FNTA: variants seen among roughly 807,000 people sequenced by gnomAD.
The protein encoded by FNTA is protein farnesyltransferase/geranylgeranyltransferase type-1 subunit alpha.
A neutral mutation model predicts 55.2 loss-of-function variants in FNTA; 27 were observed. That is an observed-to-expected ratio of 0.49 (90% CI 0.36 to 0.67). FNTA has a LOEUF of 0.67. FNTA is among the 30% of genes least tolerant of loss of function. The pLI is 0.00. For synonymous variants in FNTA, 176 were observed against 170.7 expected (o/e 1.03, Z -0.24); for missense variants, 422 against 464.7 (o/e 0.91, Z 0.85).
At chr8:43,074,351 C>T (rs58298514) in intron 5 of FNTA, among the ~76,000 whole-genome samples, 2,822 of 152,142 alleles carry the variant, frequency 0.019, 84 homozygotes, top group African/African-American at 0.066. Context: ...GGCAAAACCC[C>T]GTCTCTACAA....
At chr8:43,071,711 AC>A (rs1439149577) in intron 4 of FNTA, among the ~76,000 whole-genome samples, 80 of 147,860 alleles carry the variant, frequency 5.4e-4, no homozygotes, top group African/African-American at 1.9e-3. Flanking sequence ...AAAAAAAAAA[AC>A]AAAAAAACTC....
intron 3 of FNTA, among the ~76,000 whole-genome samples, chr8:43,067,634 C>G (rs1810690820): frequency 6.7e-6 from 1 of 148,928 alleles, no homozygotes; most frequent in African/African-American, 2.5e-5. Flanking sequence ...TTTACATGCT[C>G]TGGGAAGTCT....
chr8:43,064,365 A>G (rs1013486283), intron 3 of FNTA, 150 bp downstream of exon 3: 15 of 562,466 alleles, frequency 2.7e-5, no homozygotes, highest in Non-Finnish European at 4.7e-5. Context: ...AGGCTGGAGT[A>G]TAACTGGTAC....
At chr8:43,062,173 A>G (rs890557695) in intron 2 of FNTA, among the ~76,000 whole-genome samples, 22 of 149,014 alleles carry the variant, frequency 1.5e-4, no homozygotes, top group South Asian at 6.4e-4. Flanking sequence ...TGTATGTTTT[A>G]TGTGTGTGTG....
At chr8:43,059,293 C>G (rs907874087) in intron 2 of FNTA, 116 bp downstream of exon 2, 1 of 669,390 alleles carries the variant, frequency 1.5e-6, no homozygotes, top group Non-Finnish European at 2.5e-6. Flanking sequence ...ATCTGAATGA[C>G]TTAAGATGAG....
chr8:43,062,224 A>G (rs1810550868), intron 2 of FNTA, among the ~76,000 whole-genome samples: 2 of 151,386 alleles, frequency 1.3e-5, no homozygotes, highest in African/African-American at 2.4e-5. Context: ...TTATATATAT[A>G]CATTTGTATA....
At chr8:43,062,386 A>G (rs373918406) in intron 2 of FNTA, among the ~76,000 whole-genome samples, 1 of 151,820 alleles carries the variant, frequency 6.6e-6, no homozygotes, top group African/African-American at 2.4e-5. Context: ...GGTTCAAGCG[A>G]TTCTCGTGCC....
intron 3 of FNTA, among the ~76,000 whole-genome samples, chr8:43,065,003 ATT>A (rs1478353217): frequency 1.3e-5 from 2 of 150,924 alleles, no homozygotes; most frequent in Non-Finnish European, 3.0e-5. Context: ...TGCCTGGCTA[ATT>A]TTTTATTTTT....
At chr8:43,059,293 C>T (rs907874087) in intron 2 of FNTA, 116 bp downstream of exon 2, 2 of 669,390 alleles carry the variant, frequency 3.0e-6, no homozygotes, top group African/African-American at 3.7e-5. Context: ...ATCTGAATGA[C>T]TTAAGATGAG....
chr8:43,085,045 C>A, intron 8 of FNTA, 115 bp from the exon 9 acceptor site: 2 of 1,133,118 alleles, frequency 1.8e-6, no homozygotes, highest in Non-Finnish European at 2.5e-6. Flanking sequence ...CAGCCGGTGA[C>A]TCTTAATAGT....
intron 3 of FNTA, among the ~76,000 whole-genome samples, chr8:43,066,715 A>G (rs920967834): frequency 2.6e-5 from 4 of 152,018 alleles, no homozygotes; most frequent in Non-Finnish European, 4.4e-5. Flanking sequence ...TTATGCGTAT[A>G]AGAGAGACAG....
At position 43,056,352 on chromosome 8, in the gene FNTA, G is replaced by T. The variant is rs1246375504; in HGVS notation, c.6G>T (p.Ala2=). 2 of 1,417,374 alleles carry T rather than the reference G, an allele frequency of 1.4e-6. No homozygotes were observed. Among genetic ancestry groups the T allele is most frequent in the Non-Finnish European group, 1.8e-6 (2 of 1,093,264 alleles). The allele number at this position is 1,417,374 out of a possible 1,614,324, so 87.8% of individuals were successfully genotyped here. A position where few individuals can be genotyped will look rare whatever the true frequency, so the allele number is the denominator to read the frequency against. ...CAGCTGCGGACCGAGGCGAGATGGC[G>T]GCCACCGAGGGGGTCGGGGAGGCTG... M[A]ATEGVGEAAQ... is the part of the protein sequence containing the mutation. Residue 2 remains alanine, a synonymous_variant, in exon 1 of 9, where the codon GCG becomes GCT. Coordinates refer to ENST00000302279, the MANE Select transcript of FNTA (RefSeq NM_002027.3).
At chr8:43,065,557 A>G (rs1009433306) in intron 3 of FNTA, among the ~76,000 whole-genome samples, 10 of 146,358 alleles carry the variant, frequency 6.8e-5, no homozygotes, top group African/African-American at 2.2e-4. Flanking sequence ...GCTGACCCAC[A>G]TTTAATAGTA....
intron 3 of FNTA, among the ~76,000 whole-genome samples, chr8:43,065,635 T>C (rs1810638298): frequency 6.6e-6 from 1 of 151,462 alleles, no homozygotes; most frequent in Admixed American, 6.5e-5. Context: ...GTCGTCCAGA[T>C]GCTCTGCTAT....
chr8:43,067,959 G>T (rs556630092), intron 3 of FNTA, among the ~76,000 whole-genome samples: 2 of 152,136 alleles, frequency 1.3e-5, no homozygotes, highest in Non-Finnish European at 2.9e-5. Flanking sequence ...GAGTGCAGTG[G>T]CACAATCATG....
intron 4 of FNTA, among the ~76,000 whole-genome samples, chr8:43,071,694 CAAAAA>C (rs71231890): frequency 1.4e-5 from 1 of 73,256 alleles, no homozygotes; most frequent in African/African-American, 4.3e-5. Flanking sequence ...GACTTCGTCT[CAAAAA>C]AAAAAAAAAA....
rs1400989633 is a variant in FNTA at position 43,064,159 on chromosome 8, A to G, written c.345A>G (p.Arg115=). Residue 115 remains arginine (R), a synonymous_variant, in exon 3 of 9, where the codon CGA becomes CGG. Transcript: ENST00000302279. ...TGCAGCGTGATGAAAGAAGTGAACG[A>G]GCTTTTAAGCTAACCCGGGATGCTA... ...AVLQRDERSE[R]AFKLTRDAIE... is the part of the protein sequence containing the mutation. 6.2e-7 allele frequency: 1 copy of G among 1,614,166 alleles called. No homozygotes were observed.
intron 2 of FNTA, among the ~76,000 whole-genome samples, chr8:43,060,332 AATC>A (rs1810501745): frequency 1.3e-5 from 2 of 152,190 alleles, no homozygotes. Flanking sequence ...AAACTAATAT[AATC>A]ATATGTTTCC....
chr8:43,074,247 G>A (rs1586659061), intron 5 of FNTA, among the ~76,000 whole-genome samples: 1 of 152,240 alleles, frequency 6.6e-6, no homozygotes, highest in East Asian at 1.9e-4. Context: ...AATGAGTCTG[G>A]GTACAGTGGC....
Sources: allele counts gnomAD v4.1 joint callset (sites outside exome capture counted in the v4.1 genomes callset), GRCh38; gene constraint gnomAD v4.1.1; transcripts MANE v1.5; gene names NCBI Gene and HGNC (gene_info 2026-07-23, HGNC 2026-07-21).